The following AFAP1L1 variants were observed in gnomAD, a reference collection of about 807,000 sequenced individuals.
AFAP1L1 encodes actin filament-associated protein 1-like 1.
In AFAP1L1, 77 loss-of-function variants were observed where a neutral mutation model predicts 99.8. The ratio of observed to expected loss-of-function variants is 0.77; its 90% CI spans 0.64 to 0.93. The LOEUF is 0.93. AFAP1L1 is among the 40% of genes least tolerant of loss of function. AFAP1L1 has a pLI of 0.00. For missense variants in AFAP1L1, 893 were observed against 996.8 expected (o/e 0.90, Z 1.40); for synonymous variants, 373 against 395.3 (o/e 0.94, Z 0.67).
At chr5:149,280,221 A>G (rs889805321) in intron 1 of AFAP1L1, among the ~76,000 whole-genome samples, 3 of 152,202 alleles carry the variant, frequency 2.0e-5, no homozygotes, top group Non-Finnish European at 4.4e-5. Context: ...TTCATCCTTT[A>G]TACAGTCAAA....
intron 7 of AFAP1L1, 58 bp downstream of exon 7, chr5:149,307,671 G>A: frequency 6.5e-7 from 1 of 1,544,110 alleles, no homozygotes; most frequent in Non-Finnish European, 8.9e-7. Flanking sequence ...ATGTGGGTGT[G>A]TCTCTACATA....
rs1277053335 is a variant in AFAP1L1 at position 149,322,673 on chromosome 5, C to T, written c.1766C>T (p.Ser589Phe). ...KRHASSCSEK[S>F]HRVDPQVKVK... ...CACGCCTCCTCCTGCAGTGAGAAGT[C>T]CCATCGTGTGGACCCGCAGGTCAAA... Residue 589 changes from serine to phenylalanine, a missense_variant, in exon 15 of 19, where the codon TCC becomes TTC. Physicochemically the swap from Ser to Phe is radical, Grantham distance 155 (BLOSUM62 -2). Coordinates refer to ENST00000296721, the MANE Select transcript of AFAP1L1 (RefSeq NM_152406.4). 9 of 1,595,578 alleles carry T rather than the reference C, an allele frequency of 5.6e-6. No individual in the cohort carries two copies. The highest frequency in any genetic ancestry group is 7.7e-6 in the Non-Finnish European group (9 of 1,170,290).
At chr5:149,276,924 A>G (rs1755345894) in intron 1 of AFAP1L1, 1 of 152,166 alleles carries the variant, frequency 6.6e-6, no homozygotes, top group African/African-American at 2.4e-5. Context: ...TCCAAATGAC[A>G]TTGCTGAGTG....
chr5:149,292,361 G>T (rs1228637285), intron 1 of AFAP1L1, among the ~76,000 whole-genome samples: 1 of 152,178 alleles, frequency 6.6e-6, no homozygotes, highest in East Asian at 1.9e-4. Flanking sequence ...ATGTGAACCA[G>T]GTAGCAAGTG....
In AFAP1L1 at chr5:149,310,110, G is replaced by A. The variant is rs148497345; in HGVS notation, c.902G>A (p.Arg301Gln). ...GTCTTGGTGCTGGCACTGCAGAGCCGAGAGCAGGCCGAGGAGTGGCTGAAG... is the reference window on the plus strand; with the variant it reads ...GTCTTGGTGCTGGCACTGCAGAGCCAAGAGCAGGCCGAGGAGTGGCTGAAG... ...TEVLVLALQS[R>Q]EQAEEWLKVI... The change falls in exon 8 of 19, where the codon CGA becomes CAA. Residue 301 changes from arginine (R) to glutamine (Q), a missense_variant. Arg to Gln is a conservative substitution (Grantham distance 43). Coordinates refer to ENST00000296721, the MANE Select transcript of AFAP1L1 (RefSeq NM_152406.4). The A allele has an allele frequency of 1.5e-4, 246 of 1,609,564 alleles. No individual in the cohort carries two copies. The African/African-American group carries it at 2.5e-3, about 16-fold the overall frequency.
intron 5 of AFAP1L1, among the ~76,000 whole-genome samples, chr5:149,305,377 T>C (rs1204404177): frequency 6.6e-6 from 1 of 152,342 alleles, no homozygotes; most frequent in South Asian, 2.1e-4. Flanking sequence ...TGCATCAAAA[T>C]AACCTTTTAA....
chr5:149,332,722 C>G lies in AFAP1L1; in HGVS notation c.2003C>G (p.Ala668Gly). 6.2e-7 allele frequency: 1 copy of G among 1,613,662 alleles called. No individual in the cohort carries two copies. Among genetic ancestry groups the G allele is most frequent in the African/African-American group, 1.3e-5 (1 of 75,016 alleles). Residue 668 changes from alanine to glycine, a missense_variant, in exon 17 of 19, where the codon GCC becomes GGC. Coordinates refer to ENST00000296721, the MANE Select transcript of AFAP1L1 (RefSeq NM_152406.4). ...PGAKLKALEE[A>G]VATLEAQCRA... Reference sequence around the variant, plus strand: ...GCAAAATTAAAGGCTCTGGAAGAAGCCGTGGCCACCCTGGAAGCTCAGTGT... The same window carrying G: ...GCAAAATTAAAGGCTCTGGAAGAAGGCGTGGCCACCCTGGAAGCTCAGTGT...
intron 1 of AFAP1L1, among the ~76,000 whole-genome samples, chr5:149,291,508 G>C (rs1581299913): frequency 9.0e-6 from 1 of 110,690 alleles, no homozygotes; most frequent in South Asian, 3.3e-4. Context: ...CCGGACAACA[G>C]AGCGTGACTC....
chr5:149,343,571 C>T lies in AFAP1L1; in HGVS notation c.*3541C>T, dbSNP rs550585718. Among the ~76,000 whole-genome samples, 89 of 152,172 alleles carry T rather than the reference C, an allele frequency of 5.8e-4. 1 individual carries two copies. Among genetic ancestry groups the T allele is most frequent in the African/African-American group, 2.1e-3 (88 of 41,498 alleles). On this transcript the variant is annotated 3_prime_UTR_variant, in exon 19 of 19. Transcript: ENST00000296721. Reference sequence around the variant, plus strand: ...AACAAGACAGACACCTCATGAAGCTCACATTCTAGTTGGAGGAAAAAACCT... The same window carrying T: ...AACAAGACAGACACCTCATGAAGCTTACATTCTAGTTGGAGGAAAAAACCT...
At chr5:149,316,414 G>A in intron 11 of AFAP1L1, 111 bp downstream of exon 11, 1 of 1,351,894 alleles carries the variant, frequency 7.4e-7, no homozygotes, top group Non-Finnish European at 1.0e-6. Flanking sequence ...GGGCAGGGGA[G>A]GGAATCCAAG....
chr5:149,312,473 A>G, intron 9 of AFAP1L1: 2 of 505,272 alleles, frequency 4.0e-6, no homozygotes, highest in Non-Finnish European at 7.2e-6. Flanking sequence ...TCACATTGCA[A>G]TTGTGCCATG....
At chr5:149,272,263 C>A (rs527908516) in intron 1 of AFAP1L1, among the ~76,000 whole-genome samples, 1 of 152,306 alleles carries the variant, frequency 6.6e-6, no homozygotes, top group East Asian at 1.9e-4. Context: ...ATAAAAGATC[C>A]CCCTCTAGTT....
At chr5:149,297,981 G>A (rs1756069001) in intron 1 of AFAP1L1, among the ~76,000 whole-genome samples, 1 of 152,240 alleles carries the variant, frequency 6.6e-6, no homozygotes, top group Non-Finnish European at 1.5e-5. Context: ...ACCCTATGAG[G>A]CAGGTGCTGT....
intron 1 of AFAP1L1, chr5:149,276,565 T>C (rs1666612665): frequency 6.6e-6 from 1 of 152,366 alleles, no homozygotes; most frequent in South Asian, 2.1e-4. Context: ...GGATAAATTA[T>C]GATACTGATA....
intron 16 of AFAP1L1, 132 bp downstream of exon 16, chr5:149,329,962 T>C (rs140109381): frequency 1.7e-4 from 116 of 681,028 alleles, no homozygotes; most frequent in Middle Eastern, 7.0e-4. Flanking sequence ...CCCTCCTCCT[T>C]CTCCTCCTCC....
chr5:149,276,450 A>C (rs1233673840), intron 1 of AFAP1L1, among the ~76,000 whole-genome samples: 1 of 152,212 alleles, frequency 6.6e-6, no homozygotes, highest in African/African-American at 2.4e-5. Flanking sequence ...CCATCAGGTA[A>C]AGCCAATGTC....
Position 149,317,735 on chromosome 5 carries a change from T to G in AFAP1L1, c.1274T>G (p.Leu425Arg). 1 of 1,613,898 alleles carries G rather than the reference T, an allele frequency of 6.2e-7. No individual in the cohort carries two copies. Among genetic ancestry groups the G allele is most frequent in the Non-Finnish European group, 8.5e-7 (1 of 1,179,936 alleles). Residue 425 changes from leucine to arginine, a missense_variant, in exon 12 of 19, where the codon CTG becomes CGG. Leu to Arg is a moderately radical substitution (Grantham distance 102). Transcript: ENST00000296721. ...TEEEVPCCGYLNVLVNQGWKE... is the reference protein window; with the variant it reads ...TEEEVPCCGYRNVLVNQGWKE... The stretch of plus-strand genomic sequence containing the variant: ...ACACCATTGTCTCCTCCAGGCTACC[T>G]GAACGTGCTGGTGAACCAGGGCTGG...
At chr5:149,272,654 T>G (rs1755164967) in intron 1 of AFAP1L1, among the ~76,000 whole-genome samples, 1 of 152,208 alleles carries the variant, frequency 6.6e-6, no homozygotes, top group Non-Finnish European at 1.5e-5. Context: ...GAGATTGACA[T>G]AAGCCGAGAG....
In AFAP1L1 at chr5:149,329,723, T is replaced by C. The variant is rs2127603217; in HGVS notation, c.1868T>C (p.Leu623Ser). The C allele has an allele frequency of 6.2e-7, 1 of 1,613,902 alleles. No homozygotes were observed. Among genetic ancestry groups the C allele is most frequent in the Non-Finnish European group, 8.5e-7 (1 of 1,179,996 alleles). The change falls in exon 16 of 19, where the codon TTG becomes TCG. Residue 623 changes from leucine to serine, a missense_variant. Leu to Ser is a moderately radical substitution (Grantham distance 145). Transcript: ENST00000296721. The stretch of plus-strand genomic sequence containing the variant: ...GCCGAGGAGGATGCCCGGAGGTACT[T>C]GGTAGAAAAAGAGAAGCTGGAGAAA... ...NRAEEDARRY[L>S]VEKEKLEKEK...
Sources: gnomAD v4.1 joint callset for allele counts (sites outside exome capture counted in the v4.1 genomes callset) on GRCh38, gnomAD v4.1.1 for gene constraint, MANE v1.5 for transcripts, NCBI Gene and HGNC (gene_info 2026-07-23, HGNC 2026-07-21) for gene names.